The following TESK2 variants were observed in gnomAD, a reference collection of about 807,000 sequenced individuals.
TESK2 encodes testis associated actin remodelling kinase 2.
In TESK2, 39 loss-of-function variants were observed where a neutral mutation model predicts 57.1. That is an observed-to-expected ratio of 0.68 (90% CI 0.53 to 0.89). TESK2 has a LOEUF of 0.89. Ranked by LOEUF, TESK2 falls within the 40% of genes least tolerant of loss-of-function variation. The pLI is 0.00. For synonymous variants in TESK2, 249 were observed against 267.9 expected, an observed-to-expected ratio of 0.93 and a Z score of 0.69; for missense variants, 646 against 732.1, an observed-to-expected ratio of 0.88 and a Z score of 1.36.
At chr1:45,426,012 C>T (rs1447863436) in intron 2 of TESK2, among the ~76,000 whole-genome samples, 4 of 151,854 alleles carry the variant, frequency 2.6e-5, no homozygotes, top group East Asian at 1.9e-4. Context: ...ACTAGCTGAG[C>T]GTGATGGCAT....
chr1:45,350,189 C>T (rs1436059397), intron 5 of TESK2, among the ~76,000 whole-genome samples: 1 of 152,138 alleles, frequency 6.6e-6, no homozygotes, highest in Non-Finnish European at 1.5e-5. Flanking sequence ...AATAATCATA[C>T]ATTCCACTCT....
At chr1:45,480,360 A>G (rs1479695804) in intron 1 of TESK2, among the ~76,000 whole-genome samples, 1 of 151,074 alleles carries the variant, frequency 6.6e-6, no homozygotes, top group Non-Finnish European at 1.5e-5. Context: ...CAGGAGGCTG[A>G]GGCAGAAGAA....
intron 5 of TESK2, among the ~76,000 whole-genome samples, chr1:45,352,384 G>A (rs1286169994): frequency 7.9e-5 from 12 of 152,280 alleles, no homozygotes; most frequent in East Asian, 3.9e-4. Flanking sequence ...AAAGCAAAGG[G>A]TAGTGGTCTT....
At chr1:45,426,821 C>T (rs538424216) in intron 2 of TESK2, among the ~76,000 whole-genome samples, 72 of 152,156 alleles carry the variant, frequency 4.7e-4, no homozygotes, top group African/African-American at 1.6e-3. Context: ...AGAAGACATA[C>T]GAACAGCAAA....
At chr1:45,412,521 T>G (rs1650074250) in intron 3 of TESK2, among the ~76,000 whole-genome samples, 1 of 152,202 alleles carries the variant, frequency 6.6e-6, no homozygotes, top group Non-Finnish European at 1.5e-5. Context: ...TATAATTTAC[T>G]TCTTAAGGAG....
chr1:45,463,464 G>C (rs116694110), intron 1 of TESK2, among the ~76,000 whole-genome samples: 8 of 152,294 alleles, frequency 5.3e-5, no homozygotes, highest in Non-Finnish European at 1.2e-4. Context: ...ATTCATTGAA[G>C]AGATTGTCCT....
At chr1:45,452,529 T>C (rs1478293803) in intron 2 of TESK2, among the ~76,000 whole-genome samples, 1 of 152,034 alleles carries the variant, frequency 6.6e-6, no homozygotes, top group Non-Finnish European at 1.5e-5. Flanking sequence ...AAAATTAAAA[T>C]GAATTAACAA....
intron 4 of TESK2, among the ~76,000 whole-genome samples, chr1:45,372,476 G>A (rs955963573): frequency 6.6e-6 from 1 of 151,880 alleles, no homozygotes; most frequent in African/African-American, 2.4e-5. Context: ...CTACTCGAGA[G>A]GCTGAGGCAG....
At chr1:45,400,212 C>T (rs1649542387) in intron 3 of TESK2, among the ~76,000 whole-genome samples, 1 of 152,062 alleles carries the variant, frequency 6.6e-6, no homozygotes, top group South Asian at 2.1e-4. Context: ...CAGAGTGATG[C>T]AATGTGAGAA....
intron 3 of TESK2, among the ~76,000 whole-genome samples, chr1:45,387,956 G>A (rs935558621): frequency 2.0e-5 from 3 of 152,220 alleles, no homozygotes; most frequent in Middle Eastern, 3.4e-3. Flanking sequence ...GCAGTGAGCC[G>A]AGATCGTGCC....
In TESK2 at chr1:45,475,209, C is replaced by CTTTTTTTTTTTTTT. The variant is rs375872140; in HGVS notation, c.-87+15629_-87+15642dup. Among the ~76,000 whole-genome samples the CTTTTTTTTTTTTTT allele has an allele frequency of 8.0e-5, 9 of 113,162 alleles. 1 individual carries two copies. The highest frequency in any genetic ancestry group is 1.1e-4 in the Non-Finnish European group (6 of 55,498). 74.2% of individuals were successfully genotyped at this position (113,162 alleles called of 152,430 possible). A position where few individuals can be genotyped will look rare whatever the true frequency, so the allele number is the denominator to read the frequency against. On this transcript the variant is annotated intron_variant, in intron 1 of 10. Transcript: ENST00000372086. ...GTTAGGTTCCTTGTGTTAGCCTGGCCTTTTTTTTTTTTTTTTTTTTTGAGT... is the reference window on the plus strand; with the variant it reads ...GTTAGGTTCCTTGTGTTAGCCTGGCCTTTTTTTTTTTTTTTTTTTTTTTTTTTTTTTTTTTGAGT...
chr1:45,419,166 C>T (rs1024608368), intron 3 of TESK2, among the ~76,000 whole-genome samples: 1 of 151,860 alleles, frequency 6.6e-6, no homozygotes, highest in Non-Finnish European at 1.5e-5. Flanking sequence ...TTAGTAGAGA[C>T]GGGGTTTCAC....
intron 3 of TESK2, among the ~76,000 whole-genome samples, chr1:45,387,182 G>A (rs938274879): frequency 6.6e-6 from 1 of 152,100 alleles, no homozygotes; most frequent in Non-Finnish European, 1.5e-5. Flanking sequence ...AAACAGCATG[G>A]TATAATGGAA....
chr1:45,359,720 AG>A (rs985859780), intron 4 of TESK2, among the ~76,000 whole-genome samples: 1 of 150,766 alleles, frequency 6.6e-6, no homozygotes, highest in African/African-American at 2.4e-5. Context: ...AAAAATAAGC[AG>A]GGCATGGTGG....
chr1:45,427,891 TAAC>T (rs1170038859), intron 2 of TESK2, among the ~76,000 whole-genome samples: 1 of 152,122 alleles, frequency 6.6e-6, no homozygotes, highest in Non-Finnish European at 1.5e-5. Flanking sequence ...TATTTTAAAA[TAAC>T]AGAGTATAAT....
intron 1 of TESK2, among the ~76,000 whole-genome samples, chr1:45,490,430 G>T (rs775098896): frequency 6.6e-6 from 1 of 152,140 alleles, no homozygotes; most frequent in Non-Finnish European, 1.5e-5. Flanking sequence ...GGGTAGAGGT[G>T]AACGTTTTCG....
At chr1:45,434,675 G>A (rs1054291598) in intron 2 of TESK2, among the ~76,000 whole-genome samples, 8 of 151,802 alleles carry the variant, frequency 5.3e-5, no homozygotes, top group South Asian at 2.1e-4. Context: ...TGGGATTTTC[G>A]GGGTAGGGAG....
chr1:45,399,332 G>T (rs1295673046), intron 3 of TESK2, among the ~76,000 whole-genome samples: 3 of 150,582 alleles, frequency 2.0e-5, no homozygotes, highest in Non-Finnish European at 4.4e-5. Context: ...TATTTTTTTT[G>T]AGATGGAGTT....
chr1:45,444,353 C>A (rs530014286), intron 2 of TESK2, among the ~76,000 whole-genome samples: 16 of 152,132 alleles, frequency 1.1e-4, no homozygotes, highest in Non-Finnish European at 1.9e-4. Context: ...CCTATTCCCC[C>A]CTTTCCCATT....
Sources: gnomAD v4.1 joint callset for allele counts (sites outside exome capture counted in the v4.1 genomes callset) on GRCh38, gnomAD v4.1.1 for gene constraint, MANE v1.5 for transcripts, NCBI Gene and HGNC (gene_info 2026-07-23, HGNC 2026-07-21) for gene names.